CNTNAP5: variants seen among roughly 807,000 people sequenced by gnomAD.
The protein encoded by CNTNAP5 is contactin-associated protein-like 5.
CNTNAP5 carries 72 observed loss-of-function variants against 150.2 expected under a neutral mutation model. The observed-to-expected ratio is 0.48, with a 90% confidence interval of 0.40 to 0.58. The LOEUF is 0.58. Ranked by LOEUF, CNTNAP5 falls within the 20% of genes least tolerant of loss-of-function variation. The pLI is 0.00. For missense variants in CNTNAP5, 1,636 were observed against 1,626.2 expected, an observed-to-expected ratio of 1.01 and a Z score of -0.10; for synonymous variants, 672 against 619.8, an observed-to-expected ratio of 1.08 and a Z score of -1.25.
rs1179055297 is a variant in CNTNAP5 at position 124,523,288 on chromosome 2, A to G, written c.1328-1015A>G. Among the ~76,000 whole-genome samples, 14 of 152,232 alleles carry G rather than the reference A, an allele frequency of 9.2e-5. 1 individual carries two copies. The highest frequency in any genetic ancestry group is 2.1e-4 in the South Asian group (1 of 4,836). ...CTTTGCAAGCGAGGAAACTGACACA[A>G]TGAGAGGAAAGACAACTCAACATGT... On this transcript the variant is annotated intron_variant, in intron 8 of 23. Coordinates refer to ENST00000682447, the MANE Select transcript of CNTNAP5 (RefSeq NM_001367498.1).
chr2:124,559,256 C>T (rs992590154), intron 10 of CNTNAP5, among the ~76,000 whole-genome samples: 4 of 152,046 alleles, frequency 2.6e-5, no homozygotes, highest in African/African-American at 9.7e-5. Flanking sequence ...GACTTTTAAC[C>T]CTCTGACTTT....
At chr2:124,174,252 G>A (rs1685009392) in intron 1 of CNTNAP5, among the ~76,000 whole-genome samples, 2 of 152,256 alleles carry the variant, frequency 1.3e-5, no homozygotes, top group South Asian at 4.1e-4. Context: ...GCAGCCCATG[G>A]ATCAAGTAGT....
intron 13 of CNTNAP5, among the ~76,000 whole-genome samples, chr2:124,719,378 T>G (rs964911103): frequency 1.3e-4 from 20 of 152,150 alleles, no homozygotes; most frequent in Admixed American, 4.6e-4. Flanking sequence ...GGAAAATGAA[T>G]GAAATCAAAG....
intron 10 of CNTNAP5, among the ~76,000 whole-genome samples, chr2:124,543,522 A>C (rs999093956): frequency 1.3e-5 from 2 of 152,128 alleles, no homozygotes; most frequent in Non-Finnish European, 2.9e-5. Flanking sequence ...GAATGGAACA[A>C]AAAATTTTCG....
chr2:124,756,069 A>G (rs1680833815), intron 14 of CNTNAP5, among the ~76,000 whole-genome samples: 1 of 152,208 alleles, frequency 6.6e-6, no homozygotes, highest in African/African-American at 2.4e-5. Context: ...TCAGAGCTCA[A>G]AGATTTATCA....
At chr2:124,320,123 C>T (rs938073876) in intron 3 of CNTNAP5, among the ~76,000 whole-genome samples, 4 of 152,174 alleles carry the variant, frequency 2.6e-5, no homozygotes, top group Non-Finnish European at 4.4e-5. Flanking sequence ...CATACAATTC[C>T]ACAACAAGCA....
At chr2:124,274,189 C>A (rs1238628657) in intron 3 of CNTNAP5, among the ~76,000 whole-genome samples, 2 of 152,088 alleles carry the variant, frequency 1.3e-5, no homozygotes, top group Non-Finnish European at 2.9e-5. Flanking sequence ...GTATGTTATA[C>A]CAAGAGCACA....
intron 3 of CNTNAP5, among the ~76,000 whole-genome samples, chr2:124,290,021 C>T (rs1302853410): frequency 2.6e-5 from 4 of 152,000 alleles, no homozygotes; most frequent in Admixed American, 6.6e-5. Flanking sequence ...TAAAAATATT[C>T]ATTGGGTTTT....
intron 13 of CNTNAP5, among the ~76,000 whole-genome samples, chr2:124,686,286 G>C (rs922992741): frequency 6.6e-6 from 1 of 152,102 alleles, no homozygotes; most frequent in African/African-American, 2.4e-5. Flanking sequence ...ATATATTTTG[G>C]AGGAGTGGAG....
intron 3 of CNTNAP5, among the ~76,000 whole-genome samples, chr2:124,272,811 T>C (rs912142363): frequency 1.3e-5 from 2 of 152,214 alleles, no homozygotes; most frequent in African/African-American, 2.4e-5. Flanking sequence ...ATTTCATTAA[T>C]ATTTTTATGA....
At chr2:124,787,044 T>G (rs1405210843) in intron 17 of CNTNAP5, among the ~76,000 whole-genome samples, 1 of 152,016 alleles carries the variant, frequency 6.6e-6, no homozygotes, top group Non-Finnish European at 1.5e-5. Context: ...TCTCAAACCT[T>G]AAGGAGTGCA....
intron 13 of CNTNAP5, among the ~76,000 whole-genome samples, chr2:124,670,302 A>G (rs1179631478): frequency 1.4e-5 from 2 of 144,790 alleles, no homozygotes; most frequent in Admixed American, 1.4e-4. Flanking sequence ...TGTGGTTTTG[A>G]TTTTCATTCT....
At chr2:124,540,180 T>G (rs1695344825) in intron 10 of CNTNAP5, among the ~76,000 whole-genome samples, 1 of 152,184 alleles carries the variant, frequency 6.6e-6, no homozygotes, top group Non-Finnish European at 1.5e-5. Flanking sequence ...CCTTGCTACC[T>G]GCTTTTACCT....
intron 10 of CNTNAP5, among the ~76,000 whole-genome samples, chr2:124,528,404 A>G (rs894315482): frequency 6.6e-5 from 10 of 152,314 alleles, no homozygotes; most frequent in African/African-American, 2.4e-4. Flanking sequence ...CTTAAAGCAG[A>G]AGACACTGGC....
At chr2:124,699,632 G>C (rs1291202336) in intron 13 of CNTNAP5, among the ~76,000 whole-genome samples, 1 of 152,116 alleles carries the variant, frequency 6.6e-6, no homozygotes, top group Admixed American at 6.5e-5. Context: ...CCCATACTTA[G>C]AAAGCACATT....
chr2:124,736,538 A>G (rs888088147), intron 13 of CNTNAP5, among the ~76,000 whole-genome samples: 2 of 152,316 alleles, frequency 1.3e-5, no homozygotes, highest in African/African-American at 4.8e-5. Context: ...TAATCCATGA[A>G]TGAACTGATA....
intron 1 of CNTNAP5, among the ~76,000 whole-genome samples, chr2:124,091,266 C>T (rs2104686232): frequency 6.6e-6 from 1 of 152,162 alleles, no homozygotes. Context: ...TAAAAGAGAG[C>T]AATTTAGGGT....
At chr2:124,895,444 G>T (rs1024193669) in intron 21 of CNTNAP5, among the ~76,000 whole-genome samples, 13 of 151,506 alleles carry the variant, frequency 8.6e-5, no homozygotes, top group African/African-American at 3.2e-4. Flanking sequence ...TGGCAACATA[G>T]TGAGACCCTT....
rs1553474664 is a variant in CNTNAP5, at chr2:124,510,307, A to ATATATATCTATATATCTATATATC, written c.1327+5756_1327+5757insATCTATATATCTATATATCTATAT. Among the ~76,000 whole-genome samples, 158 of 113,508 alleles carry ATATATATCTATATATCTATATATC rather than the reference A, an allele frequency of 1.4e-3. 6 individuals carry two copies. The highest frequency in any genetic ancestry group is 2.4e-3 in the Admixed American group (21 of 8,766). The allele number at this position is 113,508 out of a possible 152,430, so 74.5% of individuals were successfully genotyped here. Reference sequence around the variant, plus strand: ...TATCTATATATCTATATATCTATATATATATCTATATATCTATCTATATAT... The same window carrying ATATATATCTATATATCTATATATC: ...TATCTATATATCTATATATCTATATATATATATCTATATATCTATATATCTATATCTATATATCTATCTATATAT... On this transcript the variant is annotated intron_variant, in intron 8 of 23. Transcript: ENST00000682447.
Sources: gnomAD v4.1 joint callset for allele counts (sites outside exome capture counted in the v4.1 genomes callset) on GRCh38, gnomAD v4.1.1 for gene constraint, MANE v1.5 for transcripts, NCBI Gene and HGNC (gene_info 2026-07-23, HGNC 2026-07-21) for gene names.